The following BCAR1 variants were observed in gnomAD, a reference collection of about 807,000 sequenced individuals.
The protein encoded by BCAR1 is breast cancer anti-estrogen resistance protein 1.
Under a neutral mutation model 67.6 loss-of-function variants are expected in BCAR1, and 30 were observed. The ratio of observed to expected loss-of-function variants is 0.44; its 90% CI spans 0.33 to 0.60. The LOEUF (loss-of-function observed/expected upper bound fraction) is 0.60, where lower values mean the gene tolerates loss of function less well. Ranked by LOEUF, BCAR1 falls within the 20% of genes least tolerant of loss-of-function variation. The probability of loss-of-function intolerance (pLI) is 0.02; values close to 1 mark genes in which losing one functional copy is unlikely to be tolerated. For missense variants in BCAR1, 1,313 were observed against 1,222.3 expected, an observed-to-expected ratio of 1.07 and a Z score of -1.11; for synonymous variants, 626 against 556.7, an observed-to-expected ratio of 1.12 and a Z score of -1.75.
chr16:75,239,931 C>G (rs72802391), intron 2 of BCAR1, among the ~76,000 whole-genome samples: 5,685 of 152,310 alleles, frequency 0.037, 138 homozygotes, highest in Non-Finnish European at 0.055. Flanking sequence ...TAGACACTGA[C>G]CAGGGGCACT....
At chr16:75,237,149 C>A in intron 3 of BCAR1, 34 bp downstream of exon 3, 2 of 1,494,350 alleles carry the variant, frequency 1.3e-6, no homozygotes, top group Non-Finnish European at 1.8e-6. Context: ...GACTTGCCGC[C>A]CTGCCCTCCC....
At chr16:75,265,922 G>A in intron 1 of BCAR1, 3 of 1,104,718 alleles carry the variant, frequency 2.7e-6, no homozygotes, top group South Asian at 4.4e-5. Flanking sequence ...GAGGCCCCGC[G>A]AGGGGTCCCG....
chr16:75,237,329 G>A lies in BCAR1; in HGVS notation c.649C>T (p.Arg217Cys), dbSNP rs376400260. ...KPPAKVVVPT[R>C]VGQGYVYEAA... ...TCGTATACATAGCCCTGCCCCACGC[G>A]GGTGGGCACCACCACCTGGGGGCAG... Residue 217 changes from arginine (R) to cysteine (C), a missense_variant, in exon 3 of 7, where the codon CGC becomes TGC. Around this residue, in one of 2 missense-constraint regions of BCAR1, gnomAD observed 1,272 missense variants for 1,137.5 expected, o/e 1.12. Transcript: ENST00000162330. 1.4e-5 allele frequency: 20 copies of A among 1,469,328 alleles called. No homozygotes were observed. The highest frequency in any genetic ancestry group is 8.0e-5 in the East Asian group (3 of 37,328). 91.0% of individuals were successfully genotyped at this position (1,469,328 alleles called of 1,614,324 possible).
At position 75,235,672 on chromosome 16, in the gene BCAR1, C is replaced by T; in HGVS notation, c.1227G>A (p.Val409=). The change falls in exon 5 of 7, where the codon GTG becomes GTA. Residue 409 remains valine (V), a synonymous_variant. Coordinates refer to ENST00000162330, the MANE Select transcript of BCAR1 (RefSeq NM_014567.5). The part of the protein sequence containing the change: ...VADGGVVDSG[V]YAVPPPAERE... ...GTTCAGCTGGGGGAGGCACCGCATA[C>T]ACACCACTGTCGACCACGCCACCAT... 1 of 1,611,724 alleles carries T rather than the reference C, an allele frequency of 6.2e-7. No homozygotes were observed. The highest frequency in any genetic ancestry group is 8.5e-7 in the Non-Finnish European group (1 of 1,178,888).
At chr16:75,253,547 C>T (rs1597267880), upstream of BCAR1, among the ~76,000 whole-genome samples, 1 of 152,174 alleles carries the variant, frequency 6.6e-6, no homozygotes. Context: ...TGCATTAGAA[C>T]AGCACTGGGG....
chr16:75,251,181 G>A (rs1460388656), intron 1 of BCAR1, among the ~76,000 whole-genome samples: 3 of 152,004 alleles, frequency 2.0e-5, no homozygotes, highest in Non-Finnish European at 2.9e-5. Flanking sequence ...GCCGTCGGCC[G>A]GGGAGCGCGG....
At chr16:75,236,838 C>T (rs1318533213) in intron 4 of BCAR1, 44 bp downstream of exon 4, 4 of 1,598,642 alleles carry the variant, frequency 2.5e-6, no homozygotes, top group Non-Finnish European at 3.4e-6. Flanking sequence ...CCAGACACCC[C>T]ACAGCCTCAG....
intron 2 of BCAR1, among the ~76,000 whole-genome samples, chr16:75,239,911 GCT>G (rs2077279524): frequency 6.6e-6 from 1 of 152,190 alleles, no homozygotes; most frequent in South Asian, 2.1e-4. Flanking sequence ...TCACGCCATG[GCT>G]GTCTCCTTAG....
chr16:75,240,743 G>A (rs2077311785), intron 2 of BCAR1, among the ~76,000 whole-genome samples: 1 of 152,238 alleles, frequency 6.6e-6, no homozygotes, highest in Admixed American at 6.5e-5. Context: ...CCAGGCCCAG[G>A]ACACAGGGCT....
intron 1 of BCAR1, chr16:75,263,631 C>A (rs1298885686): frequency 5.1e-6 from 5 of 985,376 alleles, no homozygotes; most frequent in Non-Finnish European, 6.0e-6. Flanking sequence ...GCCCACCAAT[C>A]TCTCACCCTG....
intron 1 of BCAR1, chr16:75,243,484 C>T (rs775187545): frequency 1.7e-5 from 9 of 535,898 alleles, no homozygotes; most frequent in South Asian, 4.3e-5. Context: ...GGTTCTCTCT[C>T]GAGGTGCACG....
At chr16:75,231,234 G>A (rs2076889416) in intron 6 of BCAR1, among the ~76,000 whole-genome samples, 1 of 151,538 alleles carries the variant, frequency 6.6e-6, no homozygotes, top group African/African-American at 2.4e-5. Context: ...ACAGGCCTGC[G>A]CCACCACCCC....
At chr16:75,231,929 T>C (rs1440609249) in intron 6 of BCAR1, among the ~76,000 whole-genome samples, 1 of 152,234 alleles carries the variant, frequency 6.6e-6, no homozygotes, top group Non-Finnish European at 1.5e-5. Context: ...TTGCCCAGGC[T>C]AGAGTGCAGT....
At chr16:75,260,460 C>T (rs527473536) in intron 1 of BCAR1, among the ~76,000 whole-genome samples, 2 of 152,036 alleles carry the variant, frequency 1.3e-5, no homozygotes, top group South Asian at 2.1e-4. Context: ...ATGGTGAAAC[C>T]GTGTCTCTAC....
intron 5 of BCAR1, 55 bp downstream of exon 5, chr16:75,234,834 G>C: frequency 6.6e-7 from 1 of 1,511,806 alleles, no homozygotes; most frequent in Non-Finnish European, 8.8e-7. Flanking sequence ...CTCCCCCTAA[G>C]CACAGGAGCC....
intron 2 of BCAR1, 107 bp from the exon 3 acceptor site, chr16:75,237,451 G>T: frequency 7.7e-7 from 1 of 1,305,674 alleles, no homozygotes; most frequent in Admixed American, 3.7e-5. Context: ...GGGCACACCA[G>T]GTGGAAGGGA....
intron 1 of BCAR1, chr16:75,263,831 G>A (rs1372891732): frequency 1.7e-5 from 17 of 988,136 alleles, no homozygotes; most frequent in South Asian, 4.7e-5. Flanking sequence ...GGAAGCCTCC[G>A]CAGGGCCTCC....
intron 6 of BCAR1, among the ~76,000 whole-genome samples, chr16:75,230,730 G>A (rs1043634745): frequency 9.2e-5 from 14 of 152,294 alleles, no homozygotes; most frequent in African/African-American, 3.4e-4. Context: ...TGCCACCCTA[G>A]GCGCAAAGAT....
intron 1 of BCAR1, among the ~76,000 whole-genome samples, chr16:75,244,728 C>T (rs2077463397): frequency 6.6e-6 from 1 of 152,208 alleles, no homozygotes; most frequent in African/African-American, 2.4e-5. Context: ...GGCCAGGGGG[C>T]AGCTAGGAGA....
Sources: gnomAD v4.1 joint callset for allele counts (sites outside exome capture counted in the v4.1 genomes callset) on GRCh38, gnomAD v4.1.1 for gene constraint, gnomAD v4.1.1 regional missense constraint, MANE v1.5 for transcripts, NCBI Gene and HGNC (gene_info 2026-07-23, HGNC 2026-07-21) for gene names.